The following KRABD2 variants were observed in gnomAD, a reference collection of about 807,000 sequenced individuals.
The protein encoded by KRABD2 is KRAB domain containing 2, also known as KRAB domain-containing protein 2.
the KRABD2 span, among the ~76,000 whole-genome samples, chr17:8,373,323 C>A: frequency 6.6e-6 from 1 of 152,246 alleles, no homozygotes; most frequent in South Asian, 2.1e-4. Context: ...TGCCCACAGG[C>A]GCCGCCATGC....
At chr17:8,363,789 T>C in the KRABD2 span, among the ~76,000 whole-genome samples, 1 of 145,124 alleles carries the variant, frequency 6.9e-6, no homozygotes. Flanking sequence ...ATGTCATACA[T>C]ATATATCATA....
the KRABD2 span, among the ~76,000 whole-genome samples, chr17:8,363,832 T>TACATATATATATG: frequency 2.8e-5 from 1 of 35,760 alleles, no homozygotes; most frequent in Non-Finnish European, 5.6e-5. Flanking sequence ...ATATCATACA[T>TACATATATATATG]ATATATATAT....
the KRABD2 span, chr17:8,371,215 G>T: frequency 2.6e-6 from 3 of 1,132,470 alleles, no homozygotes; most frequent in African/African-American, 1.6e-5. Flanking sequence ...TTATCTTGGG[G>T]AATCGAGAAG....
the KRABD2 span, chr17:8,369,180 G>A: frequency 6.2e-7 from 1 of 1,614,148 alleles, no homozygotes; most frequent in Non-Finnish European, 8.5e-7. Context: ...GCTGGGTTCT[G>A]AAGCTTCAGG....
At chr17:8,370,439 G>A in the KRABD2 span, 1 of 1,178,276 alleles carries the variant, frequency 8.5e-7, no homozygotes, top group Non-Finnish European at 1.2e-6. Flanking sequence ...CTCCCACCTG[G>A]AAGACTTTCC....
the KRABD2 span, among the ~76,000 whole-genome samples, chr17:8,363,793 T>TATC: frequency 7.0e-6 from 1 of 143,798 alleles, no homozygotes; most frequent in Non-Finnish European, 1.5e-5. Flanking sequence ...CATACATATA[T>TATC]ATCATACATA....
chr17:8,376,238 A>T, the KRABD2 span: 306,089 of 1,229,950 alleles, frequency 0.25, 39,042 homozygotes, highest in Non-Finnish European at 0.26. Flanking sequence ...GTTATTAGCA[A>T]GGTAGAGCAG....
the KRABD2 span, chr17:8,376,038 A>G: frequency 8.1e-7 from 1 of 1,231,340 alleles, no homozygotes; most frequent in Non-Finnish European, 1.0e-6. Flanking sequence ...CATCTCAACA[A>G]CCTGTACCAC....
chr17:8,368,929 C>A, the KRABD2 span: 1 of 865,250 alleles, frequency 1.2e-6, no homozygotes. Context: ...GAGCGCTGCG[C>A]CCGGCCAGGT....
chr17:8,367,957 CAA>C, the KRABD2 span, among the ~76,000 whole-genome samples: 63 of 86,476 alleles, frequency 7.3e-4, no homozygotes, highest in African/African-American at 5.4e-4. Flanking sequence ...AAGTTAAGAG[CAA>C]AAAAAAAAAA....
At chr17:8,359,232 G>A in the KRABD2 span, among the ~76,000 whole-genome samples, 1 of 152,226 alleles carries the variant, frequency 6.6e-6, no homozygotes, top group Non-Finnish European at 1.5e-5. Context: ...CAGGGCAGCA[G>A]TAGTTGTACA....
chr17:8,359,781 A>G, the KRABD2 span: 3 of 455,910 alleles, frequency 6.6e-6, no homozygotes, highest in Non-Finnish European at 1.3e-5. Context: ...CAGCTGTGTT[A>G]TTACAGGTGG....
the KRABD2 span, chr17:8,376,162 A>T: frequency 4.1e-6 from 5 of 1,231,588 alleles, no homozygotes; most frequent in Non-Finnish European, 5.1e-6. Context: ...GGGCCCACGA[A>T]TACAGAGCTG....
the KRABD2 span, chr17:8,369,709 C>G: frequency 6.2e-7 from 1 of 1,614,062 alleles, no homozygotes; most frequent in Non-Finnish European, 8.5e-7. Flanking sequence ...ACCTCATGGG[C>G]CTGTTTGGTT....
chr17:8,368,457 T>C, the KRABD2 span, among the ~76,000 whole-genome samples: 1 of 152,068 alleles, frequency 6.6e-6, no homozygotes, highest in Non-Finnish European at 1.5e-5. Context: ...GGACTTACAC[T>C]GTCACAAGCC....
chr17:8,365,225 G>C, the KRABD2 span, among the ~76,000 whole-genome samples: 5 of 152,112 alleles, frequency 3.3e-5, no homozygotes, highest in South Asian at 8.3e-4. Flanking sequence ...TGATGTGGCA[G>C]CTCCTGGAAA....
At chr17:8,376,126 T>C in the KRABD2 span, 112 of 1,231,558 alleles carry the variant, frequency 9.1e-5, 1 homozygote, top group Non-Finnish European at 9.6e-5. Context: ...GGACGGAGGC[T>C]TCTACCTGCC....
the KRABD2 span, among the ~76,000 whole-genome samples, chr17:8,375,075 G>C: frequency 1.3e-5 from 2 of 151,082 alleles, no homozygotes; most frequent in Non-Finnish European, 2.9e-5. Flanking sequence ...GCAGTGGCGC[G>C]ATCCCGGCTC....
At chr17:8,370,495 T>C in the KRABD2 span, 12 of 746,168 alleles carry the variant, frequency 1.6e-5, no homozygotes, top group East Asian at 3.3e-4. Context: ...TTGAAGATGA[T>C]TATATGGAAG....
Sources: allele counts gnomAD v4.1 joint callset (sites outside exome capture counted in the v4.1 genomes callset), GRCh38; gene constraint gnomAD v4.1.1; transcripts MANE v1.5; gene names NCBI Gene and HGNC (gene_info 2026-07-23, HGNC 2026-07-21).